The following NRXN1 variants were observed in gnomAD, a reference collection of about 807,000 sequenced individuals.
The protein encoded by NRXN1 is neurexin-1.
Under a neutral mutation model 150.9 loss-of-function variants are expected in NRXN1, and 39 were observed. The observed-to-expected ratio is 0.26, with a 90% confidence interval of 0.20 to 0.34. The LOEUF (loss-of-function observed/expected upper bound fraction) is 0.34, where lower values mean the gene tolerates loss of function less well. Ranked by LOEUF, NRXN1 falls within the 10% of genes least tolerant of loss-of-function variation. NRXN1 has a pLI of 1.00. For missense variants in NRXN1, 1,815 were observed against 1,949.9 expected, an observed-to-expected ratio of 0.93 and a Z score of 1.30; for synonymous variants, 924 against 757.0, an observed-to-expected ratio of 1.22 and a Z score of -3.62.
intron 17 of NRXN1, among the ~76,000 whole-genome samples, chr2:50,277,499 TTTCC>T (rs1186638343): frequency 3.0e-5 from 3 of 101,246 alleles, no homozygotes; most frequent in East Asian, 2.2e-4. Flanking sequence ...TTCCCTTCTT[TTTCC>T]TTCCTTCCTT....
intron 5 of NRXN1, among the ~76,000 whole-genome samples, chr2:50,877,370 A>C (rs1191761020): frequency 2.0e-5 from 3 of 151,904 alleles, no homozygotes; most frequent in Non-Finnish European, 4.4e-5. Flanking sequence ...AAGGTAGAAA[A>C]GATGGTAAGG....
intron 19 of NRXN1, among the ~76,000 whole-genome samples, chr2:50,082,467 C>A (rs2152685612): frequency 6.6e-6 from 1 of 152,202 alleles, no homozygotes; most frequent in Non-Finnish European, 1.5e-5. Flanking sequence ...TTGTATATTA[C>A]AACATAAGAT....
intron 15 of NRXN1, among the ~76,000 whole-genome samples, chr2:50,482,965 C>G (rs931122468): frequency 3.4e-5 from 5 of 148,512 alleles, no homozygotes; most frequent in African/African-American, 1.2e-4. Context: ...GCAGGAGAAT[C>G]GCTTGAACCC....
chr2:49,935,421 C>T (rs1211655907), intron 22 of NRXN1, among the ~76,000 whole-genome samples: 3 of 152,158 alleles, frequency 2.0e-5, no homozygotes, highest in African/African-American at 7.2e-5. Context: ...GCTATACTGG[C>T]ATCTTTAATA....
intron 11 of NRXN1, 142 bp downstream of exon 11, chr2:50,531,085 C>T (rs1558889181): frequency 3.3e-6 from 2 of 600,394 alleles, no homozygotes; most frequent in South Asian, 2.9e-5. Context: ...CCCCGAAAAC[C>T]TCAAATTACT....
intron 8 of NRXN1, among the ~76,000 whole-genome samples, chr2:50,553,835 A>C (rs148759559): frequency 7.6e-4 from 115 of 152,302 alleles, no homozygotes; most frequent in African/African-American, 2.7e-3. Context: ...TGATGGTCCT[A>C]AGGCTTTTTG....
chr2:50,340,216 T>C (rs2077458979), intron 17 of NRXN1, among the ~76,000 whole-genome samples: 1 of 152,232 alleles, frequency 6.6e-6, no homozygotes, highest in Non-Finnish European at 1.5e-5. Context: ...AAAAGATAGC[T>C]GTTTTCACTC....
chr2:50,347,365 G>A lies in NRXN1; in HGVS notation c.3365-110395C>T. 3 of 1,203,084 alleles carry A rather than the reference G, an allele frequency of 2.5e-6. No homozygotes were observed. The highest frequency in any genetic ancestry group is 1.6e-5 in the African/African-American group (1 of 62,154). The allele number at this position is 1,203,084 out of a possible 1,614,324, so 74.5% of individuals were successfully genotyped here. A position where few individuals can be genotyped will look rare whatever the true frequency, so the allele number is the denominator to read the frequency against. On this transcript the variant is annotated intron_variant, in intron 17 of 22. Coordinates refer to ENST00000401669, the MANE Select transcript of NRXN1 (RefSeq NM_001330078.2). This position sits in a 1 kb window ranked among gnomAD's most constrained non-coding sequence, Gnocchi z 4.9. ...TCCTGGAAGGTCCTCACTTCTACATGACAGACATCCACCGCGAATCCACTA... is the reference window on the plus strand; with the variant it reads ...TCCTGGAAGGTCCTCACTTCTACATAACAGACATCCACCGCGAATCCACTA...
rs145866115 is a variant in NRXN1, at chr2:50,273,545, T to C, written c.3365-36575A>G. Among the ~76,000 whole-genome samples, 185 of 152,272 alleles carry C rather than the reference T, an allele frequency of 1.2e-3. 1 individual carries two copies. Among genetic ancestry groups the C allele is most frequent in the African/African-American group, 4.3e-3 (179 of 41,560 alleles). ...AACTTTAATGTGCAAATCTCATTTTTACAGTCCCTTATTAAATTTAAATTT... is the reference window on the plus strand; with the variant it reads ...AACTTTAATGTGCAAATCTCATTTTCACAGTCCCTTATTAAATTTAAATTT... On this transcript the variant is annotated intron_variant, in intron 17 of 22. Coordinates refer to ENST00000401669, the MANE Select transcript of NRXN1 (RefSeq NM_001330078.2).
intron 5 of NRXN1, among the ~76,000 whole-genome samples, chr2:50,812,478 T>C (rs914034599): frequency 6.6e-6 from 1 of 152,138 alleles, no homozygotes; most frequent in African/African-American, 2.4e-5. Flanking sequence ...TTAAGAAATT[T>C]TCCTCTTTGT....
intron 21 of NRXN1, among the ~76,000 whole-genome samples, chr2:50,012,997 C>T (rs1165722557): frequency 6.6e-6 from 1 of 151,960 alleles, no homozygotes; most frequent in African/African-American, 2.4e-5. Flanking sequence ...GGGGGAGAAA[C>T]CCTACCTGCT....
chr2:49,926,390 C>G (rs558526081), intron 22 of NRXN1: 1 of 398,210 alleles, frequency 2.5e-6, no homozygotes, highest in Non-Finnish European at 4.4e-6. Flanking sequence ...CTGCTTTGTC[C>G]CTGTAGATTT....
chr2:50,721,312 G>C (rs1235884189), intron 5 of NRXN1, among the ~76,000 whole-genome samples: 5 of 152,148 alleles, frequency 3.3e-5, no homozygotes, highest in Non-Finnish European at 7.4e-5. Flanking sequence ...TCATATGTCT[G>C]TCCTGTTATA....
rs575779384 is a variant in NRXN1, at chr2:50,664,262, A to C, written c.833-40647T>G. On this transcript the variant is annotated intron_variant, in intron 5 of 22. Transcript: ENST00000401669. ...TTACAAAAGAAAATAATTATAAGAC[A>C]AACTAAGGAACAAACAGCATGCTTC... Among the ~76,000 whole-genome samples, 11 of 152,108 alleles carry C rather than the reference A, an allele frequency of 7.2e-5. No individual in the cohort carries two copies. In the South Asian group the frequency reaches 2.1e-3, roughly 29 times the overall value.
intron 17 of NRXN1, among the ~76,000 whole-genome samples, chr2:50,364,216 G>A (rs965638849): frequency 2.0e-5 from 3 of 152,100 alleles, no homozygotes; most frequent in Admixed American, 6.6e-5. Flanking sequence ...TTCTGCACAC[G>A]TATCCCAGAA....
At chr2:50,543,535 A>G (rs1036538101) in intron 9 of NRXN1, among the ~76,000 whole-genome samples, 1 of 152,158 alleles carries the variant, frequency 6.6e-6, no homozygotes, top group African/African-American at 2.4e-5. Context: ...TGTAAGAGGT[A>G]AAATGAAGGT....
chr2:50,096,427 C>G (rs984909854), intron 18 of NRXN1, among the ~76,000 whole-genome samples: 5 of 152,138 alleles, frequency 3.3e-5, no homozygotes, highest in Non-Finnish European at 5.9e-5. Context: ...AACTTTCTTG[C>G]CAATGCGTAA....
intron 18 of NRXN1, among the ~76,000 whole-genome samples, chr2:50,167,869 C>A (rs1200057045): frequency 6.6e-6 from 1 of 152,156 alleles, no homozygotes; most frequent in African/African-American, 2.4e-5. Context: ...GGATTACATG[C>A]ATAGTAGACT....
At chr2:50,138,841 G>A (rs761478841) in intron 18 of NRXN1, among the ~76,000 whole-genome samples, 1 of 152,166 alleles carries the variant, frequency 6.6e-6, no homozygotes, top group Non-Finnish European at 1.5e-5. Flanking sequence ...CCTTTAGTTT[G>A]TCATAAAACC....
Sources: allele counts gnomAD v4.1 joint callset (sites outside exome capture counted in the v4.1 genomes callset), GRCh38; gene constraint gnomAD v4.1.1; non-coding constraint Gnocchi (gnomAD v3.1); transcripts MANE v1.5; gene names NCBI Gene and HGNC (gene_info 2026-07-23, HGNC 2026-07-21).